MAPK6: variants seen among roughly 807,000 people sequenced by gnomAD.
MAPK6 encodes mitogen-activated protein kinase 6, also known as ERK-3.
In MAPK6, 19 loss-of-function variants were observed where a neutral mutation model predicts 59.3. That is an observed-to-expected ratio of 0.32 (90% CI 0.22 to 0.47). MAPK6 has a LOEUF of 0.47. Ranked by LOEUF, MAPK6 falls within the 20% of genes least tolerant of loss-of-function variation. The probability of loss-of-function intolerance (pLI) is 1.00; values close to 1 mark genes in which losing one functional copy is unlikely to be tolerated. For missense variants in MAPK6, 724 were observed against 847.9 expected (o/e 0.85, Z 1.81); for synonymous variants, 316 against 290.3 (o/e 1.09, Z -0.90).
At chr15:52,026,951 C>G (rs1330070340) in intron 1 of MAPK6, among the ~76,000 whole-genome samples, 1 of 151,788 alleles carries the variant, frequency 6.6e-6, no homozygotes, top group East Asian at 1.9e-4. Context: ...TCTGAAGGCC[C>G]AGGCAGGAGA....
intron 3 of MAPK6, among the ~76,000 whole-genome samples, chr15:52,006,666 G>A (rs1039615181): frequency 6.6e-6 from 1 of 152,186 alleles, no homozygotes; most frequent in African/African-American, 2.4e-5. Flanking sequence ...GTTGGTATGT[G>A]TTGGTTGCCA....
intron 2 of MAPK6, among the ~76,000 whole-genome samples, chr15:52,049,718 G>A (rs1185012720): frequency 6.6e-6 from 1 of 151,460 alleles, no homozygotes; most frequent in East Asian, 1.9e-4. Flanking sequence ...GGGTTCGAGC[G>A]ATTCTCCTGG....
At chr15:52,043,124 C>T (rs2031479186) in intron 1 of MAPK6, among the ~76,000 whole-genome samples, 1 of 151,810 alleles carries the variant, frequency 6.6e-6, no homozygotes, top group African/African-American at 2.4e-5. Context: ...AGAGCAATAC[C>T]CTGTCTCAAA....
chr15:52,021,987 G>A (rs1431320462), intron 1 of MAPK6, among the ~76,000 whole-genome samples: 4 of 152,032 alleles, frequency 2.6e-5, no homozygotes. Flanking sequence ...TAGCAAGGTG[G>A]CTTAAAATAA....
In MAPK6 at chr15:52,050,106, T is replaced by C. The variant is rs769899618; in HGVS notation, c.669T>C (p.Ala223=). 3.7e-6 allele frequency: 6 copies of C among 1,611,212 alleles called. No homozygotes were observed. In the South Asian group the frequency reaches 6.7e-5, roughly 18 times the overall value. The change falls in exon 3 of 6, where the codon GCT becomes GCC. Residue 223 remains alanine, a synonymous_variant. Coordinates refer to ENST00000261845, the MANE Select transcript of MAPK6 (RefSeq NM_002748.4). The part of the protein sequence containing the change: ...IDMWAAGCIF[A]EMLTGKTLFA... ...TGTGGGCTGCAGGCTGCATCTTTGC[T>C]GAAATGCTGACTGGTAAAACCCTTT...
chr15:51,996,729 A>G (rs1410754742), intron 2 of MAPK6, among the ~76,000 whole-genome samples: 1 of 142,218 alleles, frequency 7.0e-6, no homozygotes, highest in African/African-American at 2.7e-5. Context: ...GTGTCATTCT[A>G]TTTCCCAGGC....
intron 1 of MAPK6, among the ~76,000 whole-genome samples, chr15:51,973,382 C>T (rs1378977202): frequency 6.6e-6 from 1 of 151,962 alleles, no homozygotes; most frequent in African/African-American, 2.4e-5. Context: ...GTCTCTGTTG[C>T]CTAGGCTGGA....
At chr15:52,008,004 G>A (rs753250954) in intron 3 of MAPK6, among the ~76,000 whole-genome samples, 4 of 151,862 alleles carry the variant, frequency 2.6e-5, no homozygotes, top group Admixed American at 1.3e-4. Context: ...CTGCCACCAC[G>A]CCCGGCTAAT....
chr15:52,020,399 C>T (rs1298204074), intron 1 of MAPK6, among the ~76,000 whole-genome samples: 2 of 150,348 alleles, frequency 1.3e-5, no homozygotes, highest in African/African-American at 4.9e-5. Flanking sequence ...AATTAGAAGC[C>T]TACTTGTATT....
intron 1 of MAPK6, chr15:52,033,919 T>C (rs978145157): frequency 2.6e-5 from 4 of 152,086 alleles, no homozygotes; most frequent in African/African-American, 9.6e-5. Flanking sequence ...ATTCTTATTA[T>C]TCTTCTCCAG....
At chr15:52,033,277 G>GAGGAGACTGACCTTTGAGTC (rs2031109416) in intron 1 of MAPK6, among the ~76,000 whole-genome samples, 1 of 152,206 alleles carries the variant, frequency 6.6e-6, no homozygotes. Context: ...GGTGTTGCCA[G>GAGGAGACTGACCTTTGAGTC]AGGAGACTGA....
chr15:52,032,186 A>ATTT lies in MAPK6; in HGVS notation c.-632+12831_-632+12833dup, dbSNP rs566086048. ...ACCGTGCCCAGCCCAACAATTTTTAATTTTTTTTTTTTTTTTTTTTTTTGA... is the reference window on the plus strand; with the variant it reads ...ACCGTGCCCAGCCCAACAATTTTTAATTTTTTTTTTTTTTTTTTTTTTTTTTGA... On this transcript the variant is annotated intron_variant, in intron 1 of 5. Transcript: ENST00000261845. Among the ~76,000 whole-genome samples, 359 of 92,460 alleles carry ATTT rather than the reference A, an allele frequency of 3.9e-3. 4 individuals carry two copies. The highest frequency in any genetic ancestry group is 0.013 in the African/African-American group (297 of 23,086). The allele number at this position is 92,460 out of a possible 152,430, so 60.7% of individuals were successfully genotyped here. A position where few individuals can be genotyped will look rare whatever the true frequency, so the allele number is the denominator to read the frequency against.
rs760866088 is a variant in MAPK6, at chr15:52,064,923, T to C, written c.2089T>C (p.Leu697=). Residue 697 remains leucine, a synonymous_variant, in exon 6 of 6, where the codon TTA becomes CTA. Coordinates refer to ENST00000261845, the MANE Select transcript of MAPK6 (RefSeq NM_002748.4). ...ACCACTTAAGTCAATACAGGCCACA[T>C]TAACACCTTCTGCTATGAAATCTTC... ...GSPLKSIQAT[L]TPSAMKSSPQ... 27 of 1,611,902 alleles carry C rather than the reference T, an allele frequency of 1.7e-5. No individual in the cohort carries two copies. The East Asian group carries it at 5.3e-4, about 32-fold the overall frequency.
chr15:52,063,790 T>G (rs2032300952), intron 5 of MAPK6, 112 bp from the exon 6 acceptor site: 7 of 845,470 alleles, frequency 8.3e-6, no homozygotes, highest in Non-Finnish European at 1.0e-5. Flanking sequence ...TTTACTCTCC[T>G]ATAATTATCC....
At chr15:51,973,949 G>A (rs1201911182) in intron 1 of MAPK6, among the ~76,000 whole-genome samples, 1 of 151,814 alleles carries the variant, frequency 6.6e-6, no homozygotes, top group African/African-American at 2.4e-5. Context: ...ACCGTGCCCA[G>A]CCTTGTTTTG....
rs2030398259 is a variant in MAPK6 at position 52,019,388 on chromosome 15, T to TGTGTAC, written c.-632+17_-632+22dup. ...GTCGGAGAAGTCCCGTGAGTGTGTG[T>TGTGTAC]GTGTACGTGTGCGGGGTGCGCCGGC... On this transcript the variant is annotated intron_variant, in intron 1 of 5. Coordinates refer to ENST00000261845, the MANE Select transcript of MAPK6 (RefSeq NM_002748.4). 6.6e-6 allele frequency: 1 copy of TGTGTAC among 150,892 alleles called. No individual in the cohort carries two copies. The highest frequency in any genetic ancestry group is 6.6e-5 in the Admixed American group (1 of 15,078). 9.3% of individuals were successfully genotyped at this position (150,892 alleles called of 1,614,324 possible). A position where few individuals can be genotyped will look rare whatever the true frequency, so the allele number is the denominator to read the frequency against.
At chr15:52,008,066 C>A (rs1472566722) in intron 3 of MAPK6, among the ~76,000 whole-genome samples, 1 of 152,082 alleles carries the variant, frequency 6.6e-6, no homozygotes, top group Non-Finnish European at 1.5e-5. Flanking sequence ...AAGCTGGTCT[C>A]AAACTCCTGA....
intron 2 of MAPK6, among the ~76,000 whole-genome samples, chr15:51,989,730 G>T (rs2057202247): frequency 6.6e-6 from 1 of 152,052 alleles, no homozygotes; most frequent in Non-Finnish European, 1.5e-5. Context: ...CTCCCAACTA[G>T]CTAGGACTAC....
rs2057160636 is a variant in MAPK6, at chr15:51,977,444, C to G, written c.-880+5538C>G. On this transcript the variant is annotated intron_variant, in intron 1 of 7. Transcript: ENST00000691380. ...GTGAAAAAGCCCAAAGGAGGCCACA[C>G]AGGGAGACCAAATGAAGAGAGATGC... Among the ~76,000 whole-genome samples, 3 of 152,022 alleles carry G rather than the reference C, an allele frequency of 2.0e-5. 1 individual carries two copies. In the South Asian group the frequency reaches 6.2e-4, roughly 32 times the overall value.
Sources: allele counts gnomAD v4.1 joint callset (sites outside exome capture counted in the v4.1 genomes callset), GRCh38; gene constraint gnomAD v4.1.1; transcripts MANE v1.5; gene names NCBI Gene and HGNC (gene_info 2026-07-23, HGNC 2026-07-21).